The following MAMLD1 variants were observed in gnomAD, a reference collection of about 807,000 sequenced individuals.
MAMLD1 encodes mastermind-like domain-containing protein 1.
Under a neutral mutation model 45.0 loss-of-function variants are expected in MAMLD1, and 14 were observed. That is an observed-to-expected ratio of 0.31 (90% CI 0.21 to 0.49). The LOEUF (loss-of-function observed/expected upper bound fraction) is 0.49. Ranked by LOEUF, MAMLD1 falls within the 20% of genes least tolerant of loss-of-function variation. The probability of loss-of-function intolerance (pLI) is 0.99; values close to 1 mark genes in which losing one functional copy is unlikely to be tolerated. For missense variants in MAMLD1, 543 were observed against 603.6 expected, an observed-to-expected ratio of 0.90 and a Z score of 1.05; for synonymous variants, 254 against 247.8, an observed-to-expected ratio of 1.02 and a Z score of -0.24.
chrX:150,375,357 G>A, intron 1 of MAMLD1, among the ~76,000 whole-genome samples: 1 of 112,144 alleles, frequency 8.9e-6, no homozygotes, highest in South Asian at 3.7e-4. Flanking sequence ...CCTGATGAAT[G>A]CTCAGGTCCT....
At position 150,512,989 on chromosome X, in the gene MAMLD1, C is replaced by T. The variant is rs1269930345; in HGVS notation, c.*1030C>T. The T allele has an allele frequency of 2.0e-5, 23 of 1,153,735 alleles. No individual in the cohort carries two copies. Among genetic ancestry groups the T allele is most frequent in the Middle Eastern group, 2.3e-4 (1 of 4,326 alleles). The stretch of plus-strand genomic sequence containing the variant: ...GGGTGTGCAACTTGAGGCTGATCGA[C>T]GACATTTTGGAACAGCATGCTGCTG... On this transcript the variant is annotated 3_prime_UTR_variant, in exon 8 of 8. Transcript: ENST00000370401.
chrX:150,363,071 C>T (rs1215973717), upstream of MAMLD1, among the ~76,000 whole-genome samples: 2 of 113,071 alleles, frequency 1.8e-5, no homozygotes, highest in African/African-American at 6.4e-5. Flanking sequence ...GCTGCCCCAT[C>T]CCGGAGTGGA....
Position 150,471,146 on chromosome X carries a change from G to C in MAMLD1, c.1573G>C (p.Gly525Arg), listed in dbSNP as rs145699612. The C allele has an allele frequency of 2.5e-6, 3 of 1,209,373 alleles. No individual in the cohort carries two copies. The highest frequency in any genetic ancestry group is 3.4e-6 in the Non-Finnish European group (3 of 895,094). The change falls in exon 4 of 8, where the codon GGG becomes CGG. Residue 525 changes from glycine (G) to arginine (R), a missense_variant. By Grantham distance (125) the Gly-to-Arg change is moderately radical (BLOSUM62 -2). Coordinates refer to ENST00000370401, the MANE Select transcript of MAMLD1 (RefSeq NM_005491.5). ...SKTLSMIMQQ[G>R]MASSSPGATE... ...AACCCTGAGCATGATCATGCAGCAG[G>C]GGATGGCAAGCTCCAGCCCAGGAGC...
At chrX:150,462,095 G>A (rs1227807991) in intron 2 of MAMLD1, among the ~76,000 whole-genome samples, 1 of 112,113 alleles carries the variant, frequency 8.9e-6, no homozygotes, top group African/African-American at 3.2e-5. Context: ...ATCCTGTGGA[G>A]GGCTTTGTCA....
chrX:150,424,330 T>A (rs1407251416), intron 1 of MAMLD1, among the ~76,000 whole-genome samples: 3 of 112,325 alleles, frequency 2.7e-5, no homozygotes, highest in African/African-American at 9.7e-5. Flanking sequence ...GACGCCCAGA[T>A]GAGAGGGGGG....
At chrX:150,478,149 A>G (rs1161526649) in intron 5 of MAMLD1, among the ~76,000 whole-genome samples, 1 of 112,212 alleles carries the variant, frequency 8.9e-6, no homozygotes, top group Non-Finnish European at 1.9e-5. Flanking sequence ...TGCAAATTAA[A>G]TTCTTTATAT....
intron 5 of MAMLD1, among the ~76,000 whole-genome samples, chrX:150,489,412 A>G (rs1481080208): frequency 1.8e-5 from 2 of 109,577 alleles, no homozygotes; most frequent in African/African-American, 6.7e-5. Context: ...TTCTTCTTAT[A>G]AGGGCACTAA....
chrX:150,501,038 G>A (rs782563849), intron 5 of MAMLD1, among the ~76,000 whole-genome samples: 56 of 111,707 alleles, frequency 5.0e-4, no homozygotes, highest in African/African-American at 1.6e-3. Context: ...GGTATCTTCC[G>A]CCGCTGGTCA....
intron 2 of MAMLD1, among the ~76,000 whole-genome samples, chrX:150,449,049 G>A (rs782160744): frequency 1.8e-5 from 2 of 111,687 alleles, no homozygotes; most frequent in East Asian, 5.6e-4. Flanking sequence ...TTAATATTAA[G>A]AAGCGACTCA....
intron 1 of MAMLD1, among the ~76,000 whole-genome samples, chrX:150,405,709 C>A (rs2033976652): frequency 8.9e-6 from 1 of 111,753 alleles, no homozygotes; most frequent in Non-Finnish European, 1.9e-5. Flanking sequence ...CTTATCATCT[C>A]TTTAGAGGTC....
In MAMLD1 at chrX:150,503,407, C is replaced by T. The variant is rs782235509; in HGVS notation, c.2174C>T (p.Ala725Val). The change falls in exon 6 of 8, where the codon GCC (alanine) becomes GTC (valine). Residue 725 changes from alanine (A) to valine (V), a missense_variant. By Grantham distance (64) the Ala-to-Val change is moderately conservative. Coordinates refer to ENST00000370401, the MANE Select transcript of MAMLD1 (RefSeq NM_005491.5). Reference protein sequence around the residue: ...LPGSSFAHELARVTSSYSTSE... With the variant: ...LPGSSFAHELVRVTSSYSTSE... ...GGCAGCTCCTTTGCTCATGAGCTGG[C>T]CCGAGTCACCTCCTCGTACAGCACC... 1 of 1,212,065 alleles carries T rather than the reference C, an allele frequency of 8.3e-7. No individual in the cohort carries two copies. The highest frequency in any genetic ancestry group is 2.2e-5 in the Admixed American group (1 of 46,144).
intron 2 of MAMLD1, among the ~76,000 whole-genome samples, chrX:150,448,532 C>G (rs1272237793): frequency 1.8e-5 from 2 of 112,232 alleles, no homozygotes; most frequent in Admixed American, 1.9e-4. Context: ...ATGCAAGTAC[C>G]TTTTCAGCAT....
intron 1 of MAMLD1, among the ~76,000 whole-genome samples, chrX:150,381,325 T>C (rs781858956): frequency 6.2e-5 from 7 of 112,546 alleles, no homozygotes; most frequent in South Asian, 3.7e-4. Context: ...GACAGTCACA[T>C]TGATACACTC....
rs782026073 is a variant in MAMLD1, at chrX:150,503,330, C to T, written c.2097C>T (p.Leu699=). Residue 699 remains leucine (L), a synonymous_variant, in exon 6 of 8, where the codon CTC becomes CTT. Coordinates refer to ENST00000370401, the MANE Select transcript of MAMLD1 (RefSeq NM_005491.5). The stretch of plus-strand genomic sequence containing the variant: ...AAGCCAGGCACCCCCAGGTCAGCCT[C>T]GGGCGACAGCCCCCGTCCTGCCAGG... ...LGEARHPQVS[L]GRQPPSCQAL... 3.1e-5 allele frequency: 37 copies of T among 1,210,831 alleles called. No individual in the cohort carries two copies. The highest frequency in any genetic ancestry group is 3.7e-5 in the Non-Finnish European group (33 of 895,132).
At chrX:150,506,022 T>A (rs1327030603) in intron 6 of MAMLD1, among the ~76,000 whole-genome samples, 1 of 112,549 alleles carries the variant, frequency 8.9e-6, no homozygotes, top group Non-Finnish European at 1.9e-5. Context: ...GTATACTATC[T>A]TCCTGTCATT....
chrX:150,475,639 G>A (rs1285819284), intron 5 of MAMLD1, among the ~76,000 whole-genome samples: 2 of 112,403 alleles, frequency 1.8e-5, no homozygotes, highest in East Asian at 5.6e-4. Flanking sequence ...GGGCACTGGA[G>A]GCAGACAGAA....
intron 1 of MAMLD1, among the ~76,000 whole-genome samples, chrX:150,441,099 A>G (rs1194429585): frequency 9.4e-6 from 1 of 106,678 alleles, no homozygotes; most frequent in African/African-American, 3.4e-5. Context: ...TTCATGCGGT[A>G]CATATGATAT....
At chrX:150,398,293 G>C (rs978984511) in intron 1 of MAMLD1, among the ~76,000 whole-genome samples, 2 of 87,658 alleles carry the variant, frequency 2.3e-5, no homozygotes, top group Admixed American at 1.4e-4. Context: ...AGAAGAAGAA[G>C]AAGAAGAAGA....
chrX:150,405,640 T>C (rs1369643069), intron 1 of MAMLD1, among the ~76,000 whole-genome samples: 1 of 111,866 alleles, frequency 8.9e-6, no homozygotes, highest in Non-Finnish European at 1.9e-5. Flanking sequence ...GTGGTTGTGA[T>C]GTTATATGTT....
Sources: allele counts gnomAD v4.1 joint callset (sites outside exome capture counted in the v4.1 genomes callset), GRCh38; gene constraint gnomAD v4.1.1; transcripts MANE v1.5; gene names NCBI Gene and HGNC (gene_info 2026-07-23, HGNC 2026-07-21).